HSP90AB1: variants seen among roughly 807,000 people sequenced by gnomAD.
HSP90AB1 encodes the protein heat shock protein HSP 90-beta.
Under a neutral mutation model 67.8 loss-of-function variants are expected in HSP90AB1, and 17 were observed. The observed-to-expected ratio is 0.25, with a 90% CI of 0.17 to 0.38. HSP90AB1 has a LOEUF of 0.38. HSP90AB1 is among the 10% of genes least tolerant of loss of function. The pLI, the probability that HSP90AB1 is intolerant of heterozygous loss-of-function variation, is 1.00. For missense variants in HSP90AB1, 690 were observed against 899.9 expected (o/e 0.77, Z 2.98); for synonymous variants, 390 against 312.9 (o/e 1.25, Z -2.60).
chr6:44,248,278 G>A (rs573943245), intron 1 of HSP90AB1, among the ~76,000 whole-genome samples: 3 of 152,306 alleles, frequency 2.0e-5, no homozygotes, highest in African/African-American at 7.2e-5. Flanking sequence ...TTTGTGTAAG[G>A]ATTACTTGGG....
Position 44,250,026 on chromosome 6 carries a change from C to G in HSP90AB1, c.520C>G (p.Pro174Ala), listed in dbSNP as rs1182151271. ...CTTGTAATTGACTCTTCTAGGTGAG[C>G]CCATTGGCAGGGGTACCAAAGTGAT... The part of the protein sequence containing the change: ...SFTVRADHGE[P>A]IGRGTKVILH... Residue 174 changes from proline to alanine, a missense_variant, in exon 5 of 12, where the codon CCC becomes GCC. Physicochemically the swap from Pro to Ala is conservative, Grantham distance 27. This residue lies in a region of HSP90AB1 where 146 missense variants were observed against 143.7 expected (regional missense o/e 1.02). Transcript: ENST00000371646. The G allele has an allele frequency of 6.2e-7, 1 of 1,613,930 alleles. No individual in the cohort carries two copies. The highest frequency in any genetic ancestry group is 1.3e-5 in the African/African-American group (1 of 74,918).
rs1781047296 is a variant in HSP90AB1, at chr6:44,253,771, CCT to C, written c.*178_*179del. 3 of 777,982 alleles carry C rather than the reference CCT, an allele frequency of 3.9e-6. No individual in the cohort carries two copies. The highest frequency in any genetic ancestry group is 1.4e-5 in the South Asian group (1 of 73,770). 48.2% of individuals were successfully genotyped at this position (777,982 alleles called of 1,614,324 possible). The stretch of plus-strand genomic sequence containing the variant: ...AAACTAAGGGTGTCAAGCCCCATTC[CCT>C]CTCTACTCTTGACAGCAGGATTGGA... On this transcript the variant is annotated 3_prime_UTR_variant, in exon 12 of 12. Transcript: ENST00000371646.
Position 44,252,147 on chromosome 6 carries a change from C to T in HSP90AB1, c.1611C>T (p.Thr537=), listed in dbSNP as rs144860188. The T allele has an allele frequency of 1.9e-6, 3 of 1,614,034 alleles. No homozygotes were observed. The highest frequency in any genetic ancestry group is 2.5e-6 in the Non-Finnish European group (3 of 1,180,002). Residue 537 remains threonine (T), a synonymous_variant, in exon 10 of 12, where the codon ACC becomes ACT. Coordinates refer to ENST00000371646, the MANE Select transcript of HSP90AB1 (RefSeq NM_007355.4). ...ATGGGAAGAGCCTGGTCTCAGTTAC[C>T]AAGGAGGGTCTGGAGCTGCCTGAGG... ...EFDGKSLVSV[T]KEGLELPEDE...
intron 4 of HSP90AB1, 38 bp downstream of exon 4, chr6:44,249,872 GA>G (rs1455823140): frequency 6.3e-7 from 1 of 1,596,328 alleles, no homozygotes; most frequent in African/African-American, 1.3e-5. Context: ...GTTGGGTTAG[GA>G]TTTTCTGGGC....
At chr6:44,249,300 A>T in intron 2 of HSP90AB1, 77 bp from the exon 3 acceptor site, 1 of 1,198,656 alleles carries the variant, frequency 8.3e-7, no homozygotes, top group Non-Finnish European at 1.2e-6. Flanking sequence ...CATCCTTGCC[A>T]CTGCACTGTA....
chr6:44,251,475 T>C lies in HSP90AB1; in HGVS notation c.1181T>C (p.Met394Thr). 6.2e-7 allele frequency: 1 copy of C among 1,611,116 alleles called. No individual in the cohort carries two copies. The highest frequency in any genetic ancestry group is 8.5e-7 in the Non-Finnish European group (1 of 1,177,870). ...EDLPLNISRE[M>T]LQQSKILKVI... is the part of the protein sequence containing the mutation. ...CTGCCCCTGAACATCTCCCGAGAAA[T>C]GCTCCAGCAGAGCAAAATCTTGAAA... Residue 394 changes from methionine to threonine, a missense_variant, in exon 8 of 12, where the codon ATG becomes ACG. Physicochemically the swap from Met to Thr is moderately conservative, Grantham distance 81. Transcript: ENST00000371646.
At chr6:44,252,368 A>C in intron 10 of HSP90AB1, 101 bp downstream of exon 10, 2 of 1,059,724 alleles carry the variant, frequency 1.9e-6, no homozygotes, top group East Asian at 2.4e-5. Context: ...CAGCCTATTT[A>C]CTGTTTCATG....
rs200729633 is a variant in HSP90AB1, at chr6:44,253,308, T to C, written c.1995T>C (p.Ser665=). 5.7e-5 allele frequency: 92 copies of C among 1,614,254 alleles called. No individual in the cohort carries two copies. In the African/African-American group the frequency reaches 1.1e-3, roughly 19 times the overall value. ...TGCTGTTTGAAACCGCCCTGCTATCTTCTGGCTTTTCCCTTGAGGATCCCC... is the reference window on the plus strand; with the variant it reads ...TGCTGTTTGAAACCGCCCTGCTATCCTCTGGCTTTTCCCTTGAGGATCCCC... ...VVLLFETALL[S]SGFSLEDPQT... The change falls in exon 11 of 12, where the codon TCT becomes TCC. Residue 665 remains serine, a synonymous_variant. Coordinates refer to ENST00000371646, the MANE Select transcript of HSP90AB1 (RefSeq NM_007355.4).
chr6:44,247,554 C>CA (rs1200403902), intron 1 of HSP90AB1, among the ~76,000 whole-genome samples: 1 of 152,096 alleles, frequency 6.6e-6, no homozygotes, highest in Non-Finnish European at 1.5e-5. Context: ...AGGGGGACCG[C>CA]AGGGTGGCGG....
chr6:44,251,321 AG>A, intron 7 of HSP90AB1, 96 bp from the exon 8 acceptor site: 1 of 1,513,670 alleles, frequency 6.6e-7, no homozygotes, highest in South Asian at 1.1e-5. Context: ...AGTAGGTGTA[AG>A]GGTTCAGGAG....
intron 10 of HSP90AB1, 93 bp downstream of exon 10, chr6:44,252,360 G>A (rs1780752243): frequency 8.6e-7 from 1 of 1,164,892 alleles, no homozygotes; most frequent in South Asian, 1.4e-5. Context: ...GTTTGAGGCA[G>A]CCTATTTACT....
intron 1 of HSP90AB1, chr6:44,247,832 T>A (rs1240698783): frequency 6.6e-6 from 1 of 152,188 alleles, no homozygotes; most frequent in Non-Finnish European, 1.5e-5. Context: ...CTGAGATTGT[T>A]CTGGAAGCTT....
rs766233323 is a variant in HSP90AB1 at position 44,250,317 on chromosome 6, T to C, written c.675T>C (p.Ile225=). Residue 225 remains isoleucine (I), a synonymous_variant, in exon 6 of 12, where the codon ATT becomes ATC. Transcript: ENST00000371646. ...LYLEKEREKE[I]SDDEAEEEKG... ...TGGAGAAGGAACGAGAGAAGGAAATTAGTGATGATGAGGCAGAGGAAGAGA... is the reference window on the plus strand; with the variant it reads ...TGGAGAAGGAACGAGAGAAGGAAATCAGTGATGATGAGGCAGAGGAAGAGA... 116 of 1,613,590 alleles carry C rather than the reference T, an allele frequency of 7.2e-5. 1 individual carries two copies. Among genetic ancestry groups the C allele is most frequent in the Middle Eastern group, 1.6e-4 (1 of 6,084 alleles).
rs779368268 is a variant in HSP90AB1, at chr6:44,250,105, A to G, written c.599A>G (p.Glu200Gly). 6.2e-7 allele frequency: 1 copy of G among 1,614,190 alleles called. No individual in the cohort carries two copies. Among genetic ancestry groups the G allele is most frequent in the South Asian group, 1.1e-5 (1 of 91,090 alleles). ...TACCTAGAAGAGAGGCGGGTCAAAG[A>G]AGTAGTGAAGAAGCATTCTCAGTTC... ...TEYLEERRVK[E>G]VVKKHSQFIG... The change falls in exon 5 of 12, where the codon GAA (glutamate) becomes GGA (glycine). Residue 200 changes from glutamate (E) to glycine (G), a missense_variant. Glu to Gly is a moderately conservative substitution (Grantham distance 98, BLOSUM62 -2). Transcript: ENST00000371646.
chr6:44,249,997 C>A lies in HSP90AB1; in HGVS notation c.515-24C>A, dbSNP rs368011678. 8 of 1,613,602 alleles carry A rather than the reference C, an allele frequency of 5.0e-6. No homozygotes were observed. In the Admixed American group the frequency reaches 8.3e-5, roughly 17 times the overall value. ...ACTGCATATACTTTTTACCCTGTTA[C>A]ACGCTTGTAATTGACTCTTCTAGGT... On this transcript the variant is annotated intron_variant, in intron 4 of 11. Coordinates refer to ENST00000371646, the MANE Select transcript of HSP90AB1 (RefSeq NM_007355.4).
rs34316285 is a variant in HSP90AB1, at chr6:44,248,534, C to A, written c.1-96C>A. 795 of 1,146,462 alleles carry A rather than the reference C, an allele frequency of 6.9e-4. 12 individuals are homozygous for A. The African/African-American group carries it at 0.011, about 16-fold the overall frequency. 71.0% of individuals were successfully genotyped at this position (1,146,462 alleles called of 1,614,324 possible). A position where few individuals can be genotyped will look rare whatever the true frequency, so the allele number is the denominator to read the frequency against. On this transcript the variant is annotated intron_variant, in intron 1 of 11. Transcript: ENST00000371646. ...AGTACTCCGGTTAAACCAGTCTGAACTCACTGTCTAAGGTCCTAACAAATG... is the reference window on the plus strand; with the variant it reads ...AGTACTCCGGTTAAACCAGTCTGAAATCACTGTCTAAGGTCCTAACAAATG...
At chr6:44,249,310 A>T in intron 2 of HSP90AB1, 67 bp from the exon 3 acceptor site, 1 of 1,320,228 alleles carries the variant, frequency 7.6e-7, no homozygotes, top group Non-Finnish European at 1.1e-6. Context: ...ACTGCACTGT[A>T]GCTTGGGCAA....
intron 1 of HSP90AB1, chr6:44,247,940 G>C (rs1371988677): frequency 1.3e-5 from 2 of 152,250 alleles, no homozygotes; most frequent in Non-Finnish European, 2.9e-5. Flanking sequence ...ACGCATGTCC[G>C]GCAGTGACGA....
chr6:44,248,946 T>C (rs1212148556), intron 2 of HSP90AB1, among the ~76,000 whole-genome samples, 170 bp downstream of exon 2: 1 of 152,210 alleles, frequency 6.6e-6, no homozygotes, highest in Admixed American at 6.5e-5. Context: ...GAAGGGACTA[T>C]GTCCAGAATA....
Sources: gnomAD v4.1 joint callset for allele counts (sites outside exome capture counted in the v4.1 genomes callset) on GRCh38, gnomAD v4.1.1 for gene constraint, gnomAD v4.1.1 regional missense constraint, MANE v1.5 for transcripts, NCBI Gene and HGNC (gene_info 2026-07-23, HGNC 2026-07-21) for gene names.